The following EPS15 variants were observed in gnomAD, a reference collection of about 807,000 sequenced individuals.
EPS15 encodes epidermal growth factor receptor pathway substrate 15.
A neutral mutation model predicts 113.8 loss-of-function variants in EPS15; 72 were observed. The observed-to-expected ratio is 0.63, with a 90% CI of 0.52 to 0.77. The LOEUF (loss-of-function observed/expected upper bound fraction) is 0.77. Ranked by LOEUF, EPS15 falls within the 30% of genes least tolerant of loss-of-function variation. The pLI, the probability that EPS15 is intolerant of heterozygous loss-of-function variation, is 0.00. For synonymous variants in EPS15, 344 were observed against 363.4 expected, an observed-to-expected ratio of 0.95 and a Z score of 0.61; for missense variants, 1,048 against 1,045.8, an observed-to-expected ratio of 1.00 and a Z score of -0.03.
chr1:51,508,062 G>C (rs1644528816), intron 1 of EPS15, among the ~76,000 whole-genome samples: 1 of 151,536 alleles, frequency 6.6e-6, no homozygotes, highest in South Asian at 2.1e-4. Flanking sequence ...TGCACCTGTA[G>C]TCCCAGCTAC....
intron 1 of EPS15, among the ~76,000 whole-genome samples, chr1:51,517,759 C>T (rs1383735261): frequency 2.0e-5 from 3 of 151,450 alleles, no homozygotes; most frequent in Non-Finnish European, 4.4e-5. Flanking sequence ...ACAGGACAAC[C>T]ACCACCACCA....
In EPS15 at chr1:51,447,011, C is replaced by T. The variant is rs753731961; in HGVS notation, c.746G>A (p.Arg249His). The change falls in exon 10 of 25, where the codon CGT becomes CAT. Residue 249 changes from arginine (R) to histidine (H), a missense_variant. Arg to His is a conservative substitution (Grantham distance 29, BLOSUM62 0). Transcript: ENST00000371733. ...TAAACCTGTTTTCAAGAATATTTCA[C>T]GGACCTCCAATCCAGACACAAATCC... ...MDGFVSGLEV[R>H]EIFLKTGLPS... The T allele has an allele frequency of 9.3e-6, 15 of 1,613,002 alleles. No individual in the cohort carries two copies. The highest frequency in any genetic ancestry group is 1.3e-5 in the African/African-American group (1 of 74,890).
intron 8 of EPS15, among the ~76,000 whole-genome samples, chr1:51,459,621 G>T (rs1654280766): frequency 6.6e-6 from 1 of 151,974 alleles, no homozygotes; most frequent in African/African-American, 2.4e-5. Context: ...CATAAACTTG[G>T]CAACAAAGAA....
chr1:51,479,583 C>G (rs1038271422), intron 2 of EPS15, among the ~76,000 whole-genome samples: 3 of 152,012 alleles, frequency 2.0e-5, no homozygotes, highest in Non-Finnish European at 4.4e-5. Flanking sequence ...TTCTCCCCAT[C>G]AATAGTATCT....
intron 8 of EPS15, 34 bp from the exon 9 acceptor site, chr1:51,448,169 A>G (rs1427809421): frequency 1.5e-6 from 2 of 1,309,410 alleles, no homozygotes; most frequent in Admixed American, 1.8e-5. Context: ...CATATATATT[A>G]AAAGCACTTA....
At position 51,361,359 on chromosome 1, in the gene EPS15, G is replaced by C. The variant is rs1241444653; in HGVS notation, c.2360-4C>G. On this transcript the variant is annotated splice_region_variant and splice_polypyrimidine_tract_variant and intron_variant, in intron 23 of 24. Transcript: ENST00000371733. Reference sequence around the variant, plus strand: ...AATTTGTTGATGGATCTTTTCCCTGGATCAAAATCATTACAATTAATTCAA... The same window carrying C: ...AATTTGTTGATGGATCTTTTCCCTGCATCAAAATCATTACAATTAATTCAA... 3 of 1,605,624 alleles carry C rather than the reference G, an allele frequency of 1.9e-6. No homozygotes were observed.
At position 51,440,402 on chromosome 1, in the gene EPS15, A is replaced by G; in HGVS notation, c.985T>C (p.Phe329Leu). Reference protein sequence around the residue: ...NIIGSSPVADFSAIKELDTLN... With the variant: ...NIIGSSPVADLSAIKELDTLN... ...GTATCTAGTTCCTTAATAGCAGAGA[A>G]ATCTGCAACAGGACTTGATCCTATG... Residue 329 changes from phenylalanine to leucine, a missense_variant, in exon 12 of 25, where the codon TTC becomes CTC. Transcript: ENST00000371733. The G allele has an allele frequency of 6.3e-7, 1 of 1,591,024 alleles. No homozygotes were observed.
intron 12 of EPS15, among the ~76,000 whole-genome samples, chr1:51,436,993 T>C (rs749099750): frequency 1.3e-5 from 2 of 152,228 alleles, no homozygotes; most frequent in Non-Finnish European, 2.9e-5. Flanking sequence ...ACTACCTGTA[T>C]TGCTTTTCCT....
intron 21 of EPS15, among the ~76,000 whole-genome samples, chr1:51,367,949 C>A (rs187953705): frequency 6.6e-6 from 1 of 152,006 alleles, no homozygotes; most frequent in Non-Finnish European, 1.5e-5. Flanking sequence ...CTGGCCAACA[C>A]GGTGAAACCC....
At chr1:51,445,433 T>C (rs991758422) in intron 10 of EPS15, among the ~76,000 whole-genome samples, 19 of 152,214 alleles carry the variant, frequency 1.2e-4, no homozygotes, top group Admixed American at 9.2e-4. Flanking sequence ...CTGGTGGCAT[T>C]AGAAGGATTC....
rs114268000 is a variant in EPS15 at position 51,365,478 on chromosome 1, A to G, written c.2196+475T>C. On this transcript the variant is annotated intron_variant, in intron 22 of 24. Transcript: ENST00000371733. Reference sequence around the variant, plus strand: ...CCTCCTTTTCTCTTAGCCCGAATCAATATCACAGCCACAGTGGAAAGTAAA... The same window carrying G: ...CCTCCTTTTCTCTTAGCCCGAATCAGTATCACAGCCACAGTGGAAAGTAAA... Among the ~76,000 whole-genome samples the G allele has an allele frequency of 6.7e-3, 1,015 of 152,354 alleles. 16 individuals are homozygous for G. The highest frequency in any genetic ancestry group is 0.024 in the African/African-American group (982 of 41,580).
At chr1:51,420,948 C>T (rs931966672) in intron 13 of EPS15, among the ~76,000 whole-genome samples, 6 of 152,158 alleles carry the variant, frequency 3.9e-5, no homozygotes, top group Non-Finnish European at 5.9e-5. Context: ...ACAAGCAACA[C>T]ATTAAGAAAT....
intron 20 of EPS15, among the ~76,000 whole-genome samples, chr1:51,396,950 G>A (rs1028619854): frequency 6.6e-6 from 1 of 151,760 alleles, no homozygotes; most frequent in African/African-American, 2.4e-5. Context: ...GTACAATCAT[G>A]GCTCACTGCT....
chr1:51,423,971 A>C (rs984527561), intron 12 of EPS15, among the ~76,000 whole-genome samples: 3 of 152,134 alleles, frequency 2.0e-5, no homozygotes, highest in Non-Finnish European at 4.4e-5. Context: ...TGTTATCTCT[A>C]ATCATATCCT....
At chr1:51,469,603 C>A (rs1228793735) in intron 4 of EPS15, among the ~76,000 whole-genome samples, 1 of 152,104 alleles carries the variant, frequency 6.6e-6, no homozygotes, top group African/African-American at 2.4e-5. Flanking sequence ...TGTAATCAAC[C>A]CTTCACTACT....
chr1:51,398,895 G>T, intron 20 of EPS15, 137 bp downstream of exon 20: 2 of 729,402 alleles, frequency 2.7e-6, no homozygotes, highest in Non-Finnish European at 4.2e-6. Flanking sequence ...TAAATGAATT[G>T]GGATGAGACT....
At chr1:51,402,948 T>G (rs1193779113) in intron 17 of EPS15, among the ~76,000 whole-genome samples, 1 of 152,176 alleles carries the variant, frequency 6.6e-6, no homozygotes, top group African/African-American at 2.4e-5. Flanking sequence ...AACAAATATC[T>G]CTCTAGTCAT....
chr1:51,431,548 C>T (rs918953346), intron 12 of EPS15, among the ~76,000 whole-genome samples: 7 of 151,982 alleles, frequency 4.6e-5, no homozygotes, highest in African/African-American at 1.7e-4. Context: ...CGGGTTCAAG[C>T]AGTTCTCCTG....
chr1:51,466,885 G>A lies in EPS15; in HGVS notation c.310-1559C>T, dbSNP rs969318108. Among the ~76,000 whole-genome samples, 7 of 151,700 alleles carry A rather than the reference G, an allele frequency of 4.6e-5. No homozygotes were observed. The East Asian group carries it at 7.7e-4, about 17-fold the overall frequency. On this transcript the variant is annotated intron_variant, in intron 5 of 24. Transcript: ENST00000371733. ...TCTCTTCAAAAAAAATAAGACAAAT[G>A]ACAAAATAGGAAAAAAAGACTTGCA...
Sources: gnomAD v4.1 joint callset for allele counts (sites outside exome capture counted in the v4.1 genomes callset) on GRCh38, gnomAD v4.1.1 for gene constraint, MANE v1.5 for transcripts, NCBI Gene and HGNC (gene_info 2026-07-23, HGNC 2026-07-21) for gene names.